GALNT12: variants seen among roughly 807,000 people sequenced by gnomAD.
GALNT12 encodes the protein UDP-GalNAc:polypeptide N-acetylgalactosaminyltransferase 12.
A neutral mutation model predicts 55.5 loss-of-function variants in GALNT12; 45 were observed. The observed-to-expected ratio is 0.81, with a 90% CI of 0.64 to 1.04. The LOEUF (loss-of-function observed/expected upper bound fraction) is 1.04, where lower values mean the gene tolerates loss of function less well. Among genes scored for constraint, GALNT12 ranks in the 50% least tolerant of loss-of-function variants. GALNT12 has a pLI of 0.00. For missense variants in GALNT12, 709 were observed against 754.8 expected (o/e 0.94, Z 0.71); for synonymous variants, 304 against 312.2 (o/e 0.97, Z 0.28).
intron 6 of GALNT12, 40 bp from the exon 7 acceptor site, chr9:98,839,962 C>T: frequency 6.2e-7 from 1 of 1,613,458 alleles, no homozygotes; most frequent in Non-Finnish European, 8.5e-7. Flanking sequence ...AAAGGAAGCA[C>T]TAGGACCCAT....
At chr9:98,839,148 G>A (rs897787496) in intron 6 of GALNT12, among the ~76,000 whole-genome samples, 1 of 152,158 alleles carries the variant, frequency 6.6e-6, no homozygotes, top group African/African-American at 2.4e-5. Flanking sequence ...AATATTTTAG[G>A]GGGGCACTGA....
At chr9:98,828,805 G>C (rs925766318) in intron 3 of GALNT12, among the ~76,000 whole-genome samples, 1 of 152,100 alleles carries the variant, frequency 6.6e-6, no homozygotes, top group East Asian at 1.9e-4. Flanking sequence ...ATTTATCTTT[G>C]TGTTACTAAT....
chr9:98,817,886 A>G (rs1564248437), intron 1 of GALNT12, among the ~76,000 whole-genome samples: 1 of 152,226 alleles, frequency 6.6e-6, no homozygotes, highest in Non-Finnish European at 1.5e-5. Flanking sequence ...TGTGTCCACA[A>G]CATTGGACCT....
At chr9:98,835,108 G>C in intron 4 of GALNT12, 141 bp from the exon 5 acceptor site, 1 of 750,120 alleles carries the variant, frequency 1.3e-6, no homozygotes, top group Admixed American at 1.8e-5. Flanking sequence ...GCCCAGCCTA[G>C]TGTGGGGCAC....
intron 1 of GALNT12, among the ~76,000 whole-genome samples, chr9:98,820,085 T>G (rs1264953560): frequency 6.6e-6 from 1 of 152,184 alleles, no homozygotes; most frequent in Non-Finnish European, 1.5e-5. Flanking sequence ...GTAGCACTTG[T>G]CTTTTTTTCC....
chr9:98,840,653 C>T (rs1201726818), intron 7 of GALNT12, among the ~76,000 whole-genome samples: 1 of 152,186 alleles, frequency 6.6e-6, no homozygotes, highest in African/African-American at 2.4e-5. Flanking sequence ...ATCAGAAGTG[C>T]TGGTGTTCCA....
chr9:98,817,987 A>T (rs1177292862), intron 1 of GALNT12, among the ~76,000 whole-genome samples: 1 of 151,774 alleles, frequency 6.6e-6, no homozygotes, highest in Non-Finnish European at 1.5e-5. Context: ...ACTTCTATAA[A>T]TCCTCCACCT....
At position 98,813,722 on chromosome 9, in the gene GALNT12, A is replaced by T. The variant is rs143763639; in HGVS notation, c.371+5653A>T. ...ACCATGTTGGTCAGGCTGGTCTTGA[A>T]CTCCTGACCTTAGGTGATCCACCTA... On this transcript the variant is annotated intron_variant, in intron 1 of 9. Coordinates refer to ENST00000375011, the MANE Select transcript of GALNT12 (RefSeq NM_024642.5). 4.5e-3 allele frequency among the ~76,000 whole-genome samples: 677 copies of T among 151,262 alleles called. 9 individuals carry two copies. In the East Asian group the frequency reaches 0.05, roughly 11 times the overall value.
chr9:98,831,547 A>G (rs1331873361), intron 3 of GALNT12, among the ~76,000 whole-genome samples: 1 of 152,094 alleles, frequency 6.6e-6, no homozygotes, highest in Non-Finnish European at 1.5e-5. Flanking sequence ...AAGTCATGGG[A>G]CTTTTTGTTT....
chr9:98,830,125 A>G (rs2074207429), intron 3 of GALNT12, among the ~76,000 whole-genome samples: 1 of 152,174 alleles, frequency 6.6e-6, no homozygotes, highest in Admixed American at 6.5e-5. Flanking sequence ...GGAGCTTTTT[A>G]AACACACCAA....
intron 7 of GALNT12, among the ~76,000 whole-genome samples, chr9:98,840,825 T>G (rs1375961881): frequency 6.6e-6 from 1 of 152,232 alleles, no homozygotes; most frequent in Non-Finnish European, 1.5e-5. Flanking sequence ...TGCCTCTCTT[T>G]ATCTCTTTCT....
chr9:98,828,188 T>C (rs1835905802), intron 3 of GALNT12, among the ~76,000 whole-genome samples: 1 of 152,172 alleles, frequency 6.6e-6, no homozygotes, highest in Admixed American at 6.5e-5. Flanking sequence ...TTGTTAGGGT[T>C]GTCTGAAAGA....
chr9:98,844,685 G>C (rs77387850), intron 8 of GALNT12, among the ~76,000 whole-genome samples: 7,141 of 152,212 alleles, frequency 0.047, 260 homozygotes, highest in East Asian at 0.16. Context: ...AGAATTAATT[G>C]TTAAGTGGAA....
At chr9:98,824,718 C>T (rs971416218) in intron 2 of GALNT12, among the ~76,000 whole-genome samples, 14 of 152,090 alleles carry the variant, frequency 9.2e-5, no homozygotes, top group Non-Finnish European at 1.3e-4. Flanking sequence ...GCACCTTGGG[C>T]GAGTTGCTTG....
chr9:98,846,248 A>G, intron 9 of GALNT12, 125 bp downstream of exon 9: 1 of 1,265,606 alleles, frequency 7.9e-7, no homozygotes. Context: ...CATGGACAGG[A>G]GCTCTGGAAG....
rs543796671 is a variant in GALNT12 at position 98,815,028 on chromosome 9, T to C, written c.371+6959T>C. Among the ~76,000 whole-genome samples the C allele has an allele frequency of 9.8e-5, 15 of 152,376 alleles. 1 individual carries two copies. In the South Asian group the frequency reaches 2.9e-3, roughly 29 times the overall value. On this transcript the variant is annotated intron_variant, in intron 1 of 9. Transcript: ENST00000375011. The stretch of plus-strand genomic sequence containing the variant: ...TGTGATGTAGCATTAAATCCAGTTC[T>C]GAGCTTCCTTTTGTCCTCAAGGCAA...
intron 1 of GALNT12, among the ~76,000 whole-genome samples, chr9:98,820,272 G>A (rs1431951673): frequency 6.6e-6 from 1 of 152,128 alleles, no homozygotes; most frequent in Non-Finnish European, 1.5e-5. Context: ...ACAGGCCCCA[G>A]TGTGTGTTGT....
At chr9:98,840,168 A>T (rs1564260696) in intron 7 of GALNT12, 35 bp downstream of exon 7, 6 of 1,611,328 alleles carry the variant, frequency 3.7e-6, no homozygotes, top group South Asian at 2.2e-5. Context: ...GCAGGCAGGG[A>T]CTTCCCTGGC....
chr9:98,835,815 A>G (rs946003196), intron 5 of GALNT12, among the ~76,000 whole-genome samples: 1 of 151,942 alleles, frequency 6.6e-6, no homozygotes, highest in Admixed American at 6.6e-5. Context: ...AGCTCACTGC[A>G]ACCTCCGCCT....
Sources: allele counts gnomAD v4.1 joint callset (sites outside exome capture counted in the v4.1 genomes callset), GRCh38; gene constraint gnomAD v4.1.1; transcripts MANE v1.5; gene names NCBI Gene and HGNC (gene_info 2026-07-23, HGNC 2026-07-21).